The following ERBB4 variants were observed in gnomAD, a reference collection of about 807,000 sequenced individuals.
ERBB4 encodes the protein erb-b2 receptor tyrosine kinase 4.
Under a neutral mutation model 158.0 loss-of-function variants are expected in ERBB4, and 42 were observed. That is an observed-to-expected ratio of 0.27 (90% CI 0.21 to 0.34). The LOEUF (loss-of-function observed/expected upper bound fraction) is 0.34. Ranked by LOEUF, ERBB4 falls within the 10% of genes least tolerant of loss-of-function variation. ERBB4 has a pLI of 1.00. For missense variants in ERBB4, 1,333 were observed against 1,624.1 expected (o/e 0.82, Z 3.08); for synonymous variants, 583 against 558.7 (o/e 1.04, Z -0.61).
intron 3 of ERBB4, among the ~76,000 whole-genome samples, chr2:211,812,096 G>A (rs1217029396): frequency 6.6e-6 from 1 of 152,178 alleles, no homozygotes; most frequent in Non-Finnish European, 1.5e-5. Flanking sequence ...TCCTTTGGAG[G>A]AGAAGACGCG....
chr2:211,537,724 T>C (rs1263417248), intron 20 of ERBB4, among the ~76,000 whole-genome samples: 2 of 151,972 alleles, frequency 1.3e-5, no homozygotes, highest in Non-Finnish European at 2.9e-5. Context: ...TTAAAACTTA[T>C]GCCTGTATCA....
intron 1 of ERBB4, among the ~76,000 whole-genome samples, chr2:212,194,428 C>T (rs1218484657): frequency 6.6e-6 from 1 of 151,866 alleles, no homozygotes; most frequent in East Asian, 1.9e-4. Flanking sequence ...ATTTAAATGA[C>T]TAGAGCATTA....
rs1176455587 is a variant in ERBB4 at position 212,124,871 on chromosome 2, G to T, written c.115C>A (p.Leu39Ile). ...CAGTENKLSS[L>I]SDLEQQYRAL... ...CGGTACTGCTGTTCCAGGTCAGAGA[G>T]AGAGCTCAGTTTATTCTCCGTTCCT... The change falls in exon 2 of 28, where the codon CTC becomes ATC. Residue 39 changes from leucine to isoleucine, a missense_variant. This residue lies in a region of ERBB4 where 438 missense variants were observed against 586.9 expected (regional missense o/e 0.75). Coordinates refer to ENST00000342788, the MANE Select transcript of ERBB4 (RefSeq NM_005235.3). 2 of 1,614,186 alleles carry T rather than the reference G, an allele frequency of 1.2e-6. No individual in the cohort carries two copies. The highest frequency in any genetic ancestry group is 2.2e-5 in the South Asian group (2 of 91,076).
chr2:212,482,972 T>G (rs1352265277), intron 1 of ERBB4, among the ~76,000 whole-genome samples: 8 of 152,194 alleles, frequency 5.3e-5, no homozygotes, highest in Non-Finnish European at 2.9e-5. Flanking sequence ...AGATAGGTAC[T>G]AGAATAAGCA....
intron 2 of ERBB4, among the ~76,000 whole-genome samples, chr2:212,100,417 A>AT (rs546470709): frequency 6.6e-6 from 1 of 152,150 alleles, no homozygotes; most frequent in Non-Finnish European, 1.5e-5. Flanking sequence ...AATAAATAGC[A>AT]TTTTTAATTG....
intron 20 of ERBB4, among the ~76,000 whole-genome samples, chr2:211,523,324 A>C: frequency 6.7e-6 from 1 of 149,396 alleles, no homozygotes. Flanking sequence ...TTAGAAATCT[A>C]TGTGCTTGGG....
intron 1 of ERBB4, among the ~76,000 whole-genome samples, chr2:212,359,040 A>G (rs765847249): frequency 6.6e-6 from 1 of 151,770 alleles, no homozygotes; most frequent in Non-Finnish European, 1.5e-5. Context: ...TCTTCTAGAA[A>G]TGCAGAGGAT....
At chr2:212,174,643 C>G (rs1229958432) in intron 1 of ERBB4, among the ~76,000 whole-genome samples, 1 of 151,998 alleles carries the variant, frequency 6.6e-6, no homozygotes, top group African/African-American at 2.4e-5. Flanking sequence ...TGAAGCAGTT[C>G]ATCTTTACAC....
rs377349040 is a variant in ERBB4, at chr2:212,277,523, T to A, written c.83-152620A>T. Among the ~76,000 whole-genome samples the A allele has an allele frequency of 6.6e-5, 10 of 151,782 alleles. No individual in the cohort carries two copies. In the East Asian group the frequency reaches 1.4e-3, roughly 21 times the overall value. On this transcript the variant is annotated intron_variant, in intron 1 of 27. Transcript: ENST00000342788. Reference sequence around the variant, plus strand: ...GGCCTAGTGTAGAGTCTGAAACAGTTTAATCCCAATAAATACCCAGATCTT... The same window carrying A: ...GGCCTAGTGTAGAGTCTGAAACAGTATAATCCCAATAAATACCCAGATCTT...
At chr2:211,885,384 C>A (rs2078771966) in intron 3 of ERBB4, among the ~76,000 whole-genome samples, 1 of 151,604 alleles carries the variant, frequency 6.6e-6, no homozygotes, top group African/African-American at 2.4e-5. Context: ...GAAATTGTAA[C>A]CTATTAAAGA....
At chr2:211,944,657 C>T (rs925883061) in intron 3 of ERBB4, among the ~76,000 whole-genome samples, 3 of 152,128 alleles carry the variant, frequency 2.0e-5, no homozygotes, top group African/African-American at 7.2e-5. Flanking sequence ...AAGAATTCAA[C>T]TGGATATTGT....
chr2:212,429,319 CTAAACAAAACCCAGAAA>C (rs2091977391), intron 1 of ERBB4: 1 of 152,094 alleles, frequency 6.6e-6, no homozygotes, highest in Non-Finnish European at 1.5e-5. Context: ...TTGGACAATC[CTAAACAAAACCCAGAAA>C]GCACAGGAGT....
intron 20 of ERBB4, among the ~76,000 whole-genome samples, chr2:211,521,438 C>T (rs2066182265): frequency 6.6e-6 from 1 of 152,192 alleles, no homozygotes; most frequent in African/African-American, 2.4e-5. Context: ...AAGTTGGAAG[C>T]TAGCAGAGGT....
At chr2:212,224,248 C>G (rs1416673847) in intron 1 of ERBB4, among the ~76,000 whole-genome samples, 2 of 151,776 alleles carry the variant, frequency 1.3e-5, no homozygotes, top group African/African-American at 4.8e-5. Context: ...TGTTCCAAGA[C>G]TTGTAAAATA....
At chr2:212,037,113 T>TTG (rs2077034022) in intron 2 of ERBB4, among the ~76,000 whole-genome samples, 2 of 151,938 alleles carry the variant, frequency 1.3e-5, no homozygotes, top group African/African-American at 2.4e-5. Flanking sequence ...GAAGGGTTTT[T>TTG]TTGTTTGTTG....
At chr2:211,932,412 TA>T (rs1198049735) in intron 3 of ERBB4, among the ~76,000 whole-genome samples, 1 of 152,114 alleles carries the variant, frequency 6.6e-6, no homozygotes, top group Non-Finnish European at 1.5e-5. Context: ...ATAATCAGAG[TA>T]AAAAATTATA....
intron 2 of ERBB4, among the ~76,000 whole-genome samples, chr2:212,005,627 A>C (rs1403855452): frequency 6.6e-6 from 1 of 152,152 alleles, no homozygotes; most frequent in African/African-American, 2.4e-5. Context: ...CTTCAGGTAA[A>C]ATATATTGTA....
Position 212,359,852 on chromosome 2 carries a change from T to C in ERBB4, c.82+178597A>G, listed in dbSNP as rs533431923. On this transcript the variant is annotated intron_variant, in intron 1 of 27. Coordinates refer to ENST00000342788, the MANE Select transcript of ERBB4 (RefSeq NM_005235.3). ...CACAGAAACAAAGAATGTTCTACTT[T>C]ACATTTTTTTTTTCAAGAAAGAATA... is the stretch of plus-strand genomic sequence containing the variant. 3.3e-5 allele frequency among the ~76,000 whole-genome samples: 5 copies of C among 151,772 alleles called. No homozygotes were observed. The South Asian group carries it at 1.0e-3, about 31-fold the overall frequency.
At chr2:212,514,046 A>C (rs1016553732) in intron 1 of ERBB4, among the ~76,000 whole-genome samples, 1 of 152,182 alleles carries the variant, frequency 6.6e-6, no homozygotes, top group Non-Finnish European at 1.5e-5. Context: ...AACAAAACAA[A>C]ACAAAAAAAC....
Sources: allele counts gnomAD v4.1 joint callset (sites outside exome capture counted in the v4.1 genomes callset), GRCh38; gene constraint gnomAD v4.1.1; regional missense constraint gnomAD v4.1.1; transcripts MANE v1.5; gene names NCBI Gene and HGNC (gene_info 2026-07-23, HGNC 2026-07-21).